Variants in ZNF516 observed in about 807,000 individuals in gnomAD.
ZNF516 encodes zinc finger protein 516.
In ZNF516, 19 loss-of-function variants were observed where a neutral mutation model predicts 79.7. The ratio of observed to expected loss-of-function variants is 0.24; its 90% CI spans 0.17 to 0.35. The LOEUF (loss-of-function observed/expected upper bound fraction) is 0.35, where lower values mean the gene tolerates loss of function less well. ZNF516 is among the 10% of genes least tolerant of loss of function. The probability of loss-of-function intolerance (pLI) is 1.00; values close to 1 mark genes in which losing one functional copy is unlikely to be tolerated. For missense variants in ZNF516, 1,678 were observed against 1,679.5 expected, an observed-to-expected ratio of 1.00 and a Z score of 0.02; for synonymous variants, 877 against 739.5, an observed-to-expected ratio of 1.19 and a Z score of -3.02.
intron 3 of ZNF516, among the ~76,000 whole-genome samples, chr18:76,380,948 A>C (rs1036516558): frequency 6.6e-6 from 1 of 152,202 alleles, no homozygotes; most frequent in Non-Finnish European, 1.5e-5. Context: ...GCGGGTGAGC[A>C]AAGGCAGCCA....
intron 3 of ZNF516, among the ~76,000 whole-genome samples, chr18:76,403,852 G>A (rs1367204193): frequency 6.6e-6 from 1 of 152,216 alleles, no homozygotes; most frequent in Non-Finnish European, 1.5e-5. Flanking sequence ...GCAGCTGCCA[G>A]TAATGAAATA....
At chr18:76,476,040 A>C (rs1914154054) in intron 1 of ZNF516, among the ~76,000 whole-genome samples, 1 of 152,228 alleles carries the variant, frequency 6.6e-6, no homozygotes, top group Non-Finnish European at 1.5e-5. Context: ...TCGACTGTAA[A>C]TATCTCGATG....
intron 3 of ZNF516, among the ~76,000 whole-genome samples, chr18:76,402,607 G>C (rs748496071): frequency 1.3e-3 from 203 of 152,194 alleles, no homozygotes; most frequent in Non-Finnish European, 1.2e-3. Flanking sequence ...GGGCACTCAC[G>C]GACAGTCGTG....
At chr18:76,392,169 A>G (rs1751464892) in intron 3 of ZNF516, among the ~76,000 whole-genome samples, 1 of 152,232 alleles carries the variant, frequency 6.6e-6, no homozygotes, top group Non-Finnish European at 1.5e-5. Flanking sequence ...TCCAGGGCTC[A>G]GGGTGGCCTT....
At chr18:76,429,482 G>A (rs2075635106) in intron 3 of ZNF516, among the ~76,000 whole-genome samples, 1 of 152,156 alleles carries the variant, frequency 6.6e-6, no homozygotes, top group African/African-American at 2.4e-5. Flanking sequence ...GCCCATTCTA[G>A]TAAGAAGAGG....
rs759584611 is a variant in ZNF516 at position 76,358,945 on chromosome 18, G to C, written c.*3553C>G. On this transcript the variant is annotated 3_prime_UTR_variant, in exon 7 of 7. Coordinates refer to ENST00000443185, the MANE Select transcript of ZNF516 (RefSeq NM_014643.4). ...GTCCAAAGAACAGAGGCCGACCAGAGTTGCCAGCCTGGAGAGGCACCATGG... is the reference window on the plus strand; with the variant it reads ...GTCCAAAGAACAGAGGCCGACCAGACTTGCCAGCCTGGAGAGGCACCATGG... 3.9e-5 allele frequency: 6 copies of C among 152,340 alleles called. No homozygotes were observed. Among genetic ancestry groups the C allele is most frequent in the African/African-American group, 1.4e-4 (6 of 41,412 alleles). 9.4% of individuals were successfully genotyped at this position (152,340 alleles called of 1,614,324 possible).
rs1385330214 is a variant in ZNF516 at position 76,467,905 on chromosome 18, A to C, written c.-271-4764T>G. Among the ~76,000 whole-genome samples, 1 of 152,210 alleles carries C rather than the reference A, an allele frequency of 6.6e-6. No homozygotes were observed. The highest frequency in any genetic ancestry group is 2.4e-5 in the African/African-American group (1 of 41,454). ...AAGGACAGAAATGAGTGCTTCAACT[A>C]TCTGCTGACTGCTAACTCCCACTGT... On this transcript the variant is annotated intron_variant, in intron 1 of 6. Coordinates refer to ENST00000443185, the MANE Select transcript of ZNF516 (RefSeq NM_014643.4). The surrounding 1 kb of genome is among the most constrained non-coding windows in gnomAD (Gnocchi z 4.2).
chr18:76,477,062 T>G (rs1363942366), intron 1 of ZNF516, among the ~76,000 whole-genome samples: 1 of 152,226 alleles, frequency 6.6e-6, no homozygotes, highest in Non-Finnish European at 1.5e-5. Flanking sequence ...TACATTTCCG[T>G]ATGTCCAAAG....
chr18:76,437,619 C>T (rs770521042), intron 3 of ZNF516, among the ~76,000 whole-genome samples: 18 of 152,072 alleles, frequency 1.2e-4, no homozygotes, highest in Non-Finnish European at 2.4e-4. Context: ...TCCAGGACTC[C>T]CCGATACCAA....
chr18:76,483,010 G>GA (rs991185214), intron 1 of ZNF516, among the ~76,000 whole-genome samples: 15 of 152,012 alleles, frequency 9.9e-5, no homozygotes, highest in African/African-American at 3.6e-4. Context: ...CTTAAGAAAA[G>GA]AAAAAAAATT....
intron 1 of ZNF516, chr18:76,488,343 G>A (rs1340855378): frequency 1.3e-6 from 1 of 795,578 alleles, no homozygotes; most frequent in African/African-American, 1.9e-5. Flanking sequence ...AGCCAGGAAA[G>A]GCCTTTTTGC....
chr18:76,485,868 T>TA (rs36043507), intron 1 of ZNF516, among the ~76,000 whole-genome samples: 1,723 of 138,220 alleles, frequency 0.012, 33 homozygotes, highest in Admixed American at 0.04. Context: ...CTCATTTCTT[T>TA]AAAAAAAAAA....
intron 3 of ZNF516, among the ~76,000 whole-genome samples, chr18:76,401,426 T>A (rs1168234719): frequency 6.6e-6 from 1 of 152,180 alleles, no homozygotes; most frequent in Admixed American, 6.5e-5. Flanking sequence ...TCGCAGGAGC[T>A]CGTTGACCAA....
At chr18:76,491,700 C>G in intron 1 of ZNF516, 1 of 156,602 alleles carries the variant, frequency 6.4e-6, no homozygotes, top group Non-Finnish European at 1.4e-5. Context: ...GTGAGTCCCC[C>G]CCCGACCCGC....
chr18:76,401,680 G>C (rs188351369), intron 3 of ZNF516, among the ~76,000 whole-genome samples: 2 of 135,056 alleles, frequency 1.5e-5, no homozygotes, highest in African/African-American at 2.8e-5. Flanking sequence ...GAGCACAACC[G>C]GCCTCCCAGT....
At chr18:76,458,671 T>TCGTGCGTGTGCGTGCCTCAC (rs1912889611) in intron 2 of ZNF516, among the ~76,000 whole-genome samples, 1 of 125,870 alleles carries the variant, frequency 7.9e-6, no homozygotes, top group Non-Finnish European at 1.8e-5. Context: ...TGCCTCACCG[T>TCGTGCGTGTGCGTGCCTCAC]CGTGTGTGCG....
chr18:76,484,332 A>G (rs1914704594), intron 1 of ZNF516, among the ~76,000 whole-genome samples: 1 of 152,248 alleles, frequency 6.6e-6, no homozygotes, highest in East Asian at 1.9e-4. Context: ...TAACACATAT[A>G]TGATTGTCTA....
intron 1 of ZNF516, among the ~76,000 whole-genome samples, chr18:76,473,308 A>T (rs1266243798): frequency 6.6e-6 from 1 of 151,292 alleles, no homozygotes; most frequent in African/African-American, 2.4e-5. Context: ...TATTTAAAAA[A>T]AGACTCCATG....
chr18:76,484,633 G>T (rs1914724096), intron 1 of ZNF516, among the ~76,000 whole-genome samples: 1 of 152,134 alleles, frequency 6.6e-6, no homozygotes, highest in African/African-American at 2.4e-5. Context: ...GGGATTTAAG[G>T]ATTGCCTAAA....
Sources: allele counts gnomAD v4.1 joint callset (sites outside exome capture counted in the v4.1 genomes callset), GRCh38; gene constraint gnomAD v4.1.1; non-coding constraint Gnocchi (gnomAD v3.1); transcripts MANE v1.5; gene names NCBI Gene and HGNC (gene_info 2026-07-23, HGNC 2026-07-21).